Variants in ADAMTS18 observed in about 807,000 individuals in gnomAD.
ADAMTS18 encodes ADAM metallopeptidase with thrombospondin type 1 motif 18.
Under a neutral mutation model 165.9 loss-of-function variants are expected in ADAMTS18, and 157 were observed. That is an observed-to-expected ratio of 0.95 (90% CI 0.83 to 1.08). The LOEUF (loss-of-function observed/expected upper bound fraction) is 1.08. Ranked by LOEUF, ADAMTS18 falls within the 50% of genes least tolerant of loss-of-function variation. ADAMTS18 has a pLI of 0.00. For synonymous variants in ADAMTS18, 782 were observed against 578.2 expected (o/e 1.35, Z -5.06); for missense variants, 2,040 against 1,534.0 (o/e 1.33, Z -5.51).
chr16:77,332,340 C>T (rs976994990), intron 12 of ADAMTS18, among the ~76,000 whole-genome samples: 1 of 152,130 alleles, frequency 6.6e-6, no homozygotes, highest in Admixed American at 6.6e-5. Flanking sequence ...CACCCTGCTT[C>T]GGTGGGCTGA....
At chr16:77,424,982 C>T (rs1316681942) in intron 3 of ADAMTS18, among the ~76,000 whole-genome samples, 1 of 152,206 alleles carries the variant, frequency 6.6e-6, no homozygotes, top group Non-Finnish European at 1.5e-5. Context: ...TGGAAATCAG[C>T]TTTGTAAAGA....
intron 10 of ADAMTS18, among the ~76,000 whole-genome samples, chr16:77,349,850 A>C (rs374874089): frequency 2.6e-5 from 4 of 152,314 alleles, no homozygotes; most frequent in East Asian, 3.9e-4. Flanking sequence ...GAACATTCAC[A>C]AGAATTTAAA....
intron 8 of ADAMTS18, among the ~76,000 whole-genome samples, chr16:77,356,697 A>T (rs2056636106): frequency 6.6e-6 from 1 of 152,166 alleles, no homozygotes; most frequent in South Asian, 2.1e-4. Flanking sequence ...TATCTTTCAG[A>T]TGTATTATAT....
chr16:77,307,769 C>T (rs1192855404), intron 16 of ADAMTS18, among the ~76,000 whole-genome samples: 1 of 152,148 alleles, frequency 6.6e-6, no homozygotes, highest in Non-Finnish European at 1.5e-5. Context: ...GCTAATCTCC[C>T]TTCCCTTACA....
At chr16:77,325,184 G>A (rs59384631) in intron 13 of ADAMTS18, among the ~76,000 whole-genome samples, 70,560 of 151,272 alleles carry the variant, frequency 0.47, 17,040 homozygotes, top group East Asian at 0.88. Context: ...TCAAGACAGC[G>A]TAACAGTTTT....
intron 11 of ADAMTS18, 51 bp downstream of exon 11, chr16:77,341,653 C>G: frequency 6.9e-7 from 1 of 1,441,604 alleles, no homozygotes; most frequent in Non-Finnish European, 9.7e-7. Context: ...AGTTTGAATT[C>G]TATGCCTTAT....
intron 10 of ADAMTS18, among the ~76,000 whole-genome samples, chr16:77,352,416 G>A (rs1055257603): frequency 2.5e-4 from 38 of 152,298 alleles, no homozygotes; most frequent in African/African-American, 8.7e-4. Flanking sequence ...CAATGTGTGT[G>A]ACTTGTTTTG....
intron 4 of ADAMTS18, among the ~76,000 whole-genome samples, chr16:77,366,944 C>G (rs536661541): frequency 1.3e-5 from 2 of 152,156 alleles, no homozygotes; most frequent in East Asian, 3.9e-4. Context: ...GTATTTAAGG[C>G]TCGTGTTACA....
At chr16:77,333,075 T>C (rs1440492690) in intron 12 of ADAMTS18, among the ~76,000 whole-genome samples, 1 of 152,200 alleles carries the variant, frequency 6.6e-6, no homozygotes, top group East Asian at 1.9e-4. Flanking sequence ...TATTTAATTA[T>C]ATGACTGTAG....
intron 7 of ADAMTS18, among the ~76,000 whole-genome samples, chr16:77,359,961 G>C (rs1229210978): frequency 6.6e-6 from 1 of 152,186 alleles, no homozygotes. Context: ...AATGTGGTAA[G>C]TGCTTCTGTT....
At chr16:77,376,230 G>C (rs767602088) in intron 3 of ADAMTS18, among the ~76,000 whole-genome samples, 93 of 152,114 alleles carry the variant, frequency 6.1e-4, no homozygotes, top group Non-Finnish European at 6.9e-4. Context: ...GGCTGGAGCA[G>C]AAGGAAGAGA....
intron 18 of ADAMTS18, 29 bp downstream of exon 18, chr16:77,297,260 A>G: frequency 1.9e-6 from 3 of 1,614,002 alleles, no homozygotes; most frequent in Non-Finnish European, 2.5e-6. Context: ...GTACAAAACT[A>G]AACAAAAAGA....
chr16:77,429,891 A>G (rs1449812358), intron 3 of ADAMTS18, among the ~76,000 whole-genome samples: 3 of 152,184 alleles, frequency 2.0e-5, no homozygotes, highest in East Asian at 3.9e-4. Flanking sequence ...TGTTATTCCC[A>G]TCTTAGAAAT....
At chr16:77,343,937 C>G (rs2056436599) in intron 10 of ADAMTS18, among the ~76,000 whole-genome samples, 2 of 151,884 alleles carry the variant, frequency 1.3e-5, no homozygotes, top group South Asian at 4.2e-4. Flanking sequence ...TTTGTCATTA[C>G]TTGTTGTAAT....
chr16:77,428,498 C>T (rs1448004964), intron 3 of ADAMTS18, among the ~76,000 whole-genome samples: 1 of 152,082 alleles, frequency 6.6e-6, no homozygotes, highest in Non-Finnish European at 1.5e-5. Context: ...TCAATCAGAA[C>T]AGCTAAAATG....
intron 2 of ADAMTS18, chr16:77,431,876 C>T (rs565759067): frequency 1.9e-6 from 1 of 531,804 alleles, no homozygotes; most frequent in South Asian, 2.1e-5. Flanking sequence ...AAATGTAACA[C>T]CTCTCATTGT....
At chr16:77,322,274 T>C in intron 14 of ADAMTS18, 62 bp downstream of exon 14, 1 of 1,589,548 alleles carries the variant, frequency 6.3e-7, no homozygotes, top group Non-Finnish European at 8.6e-7. Context: ...CTGTTCACGG[T>C]ACACACGATA....
chr16:77,385,621 T>C (rs1376330785), intron 3 of ADAMTS18, among the ~76,000 whole-genome samples: 1 of 152,180 alleles, frequency 6.6e-6, no homozygotes, highest in Non-Finnish European at 1.5e-5. Context: ...CATTTATTTG[T>C]TAAACAGACA....
At chr16:77,377,488 G>C (rs933048439) in intron 3 of ADAMTS18, among the ~76,000 whole-genome samples, 4 of 152,168 alleles carry the variant, frequency 2.6e-5, no homozygotes, top group Non-Finnish European at 4.4e-5. Context: ...TAACAATAGA[G>C]CCAGAACTTC....
Sources: allele counts gnomAD v4.1 joint callset (sites outside exome capture counted in the v4.1 genomes callset), GRCh38; gene constraint gnomAD v4.1.1; transcripts MANE v1.5; gene names NCBI Gene and HGNC (gene_info 2026-07-23, HGNC 2026-07-21).